The following MYO18A variants were observed in gnomAD, a reference collection of about 807,000 sequenced individuals.
The protein encoded by MYO18A is myosin XVIIIA.
A neutral mutation model predicts 235.8 loss-of-function variants in MYO18A; 78 were observed. The ratio of observed to expected loss-of-function variants is 0.33; its 90% confidence interval spans 0.28 to 0.40. The LOEUF (loss-of-function observed/expected upper bound fraction) is 0.40. MYO18A is among the 10% of genes least tolerant of loss of function. MYO18A has a pLI of 1.00. For missense variants in MYO18A, 2,215 were observed against 2,699.3 expected (o/e 0.82, Z 3.98); for synonymous variants, 977 against 1,077.8 (o/e 0.91, Z 1.83).
intron 21 of MYO18A, 43 bp from the exon 22 acceptor site, chr17:29,099,805 C>T (rs1438119279): frequency 5.0e-6 from 8 of 1,597,740 alleles, no homozygotes; most frequent in Admixed American, 1.7e-5. Context: ...ACTGGGCCAG[C>T]CCAGCAGAGG....
chr17:29,077,234 T>G (rs1039502470), intron 41 of MYO18A: 2 of 152,034 alleles, frequency 1.3e-5, no homozygotes, highest in Non-Finnish European at 2.9e-5. Flanking sequence ...CATCAGGGAG[T>G]CAACAGCAGG....
At chr17:29,085,721 G>C (rs376454602) in intron 39 of MYO18A, 73 bp from the exon 40 acceptor site, 55 of 1,506,908 alleles carry the variant, frequency 3.6e-5, no homozygotes, top group Non-Finnish European at 4.9e-5. Context: ...ACCCAAGGTG[G>C]ACCCCTTAGC....
intron 2 of MYO18A, among the ~76,000 whole-genome samples, chr17:29,123,097 G>A (rs1490121483): frequency 6.6e-6 from 1 of 152,222 alleles, no homozygotes; most frequent in Non-Finnish European, 1.5e-5. Flanking sequence ...GAGGCCTCAG[G>A]AGGTCACCAA....
rs1598320712 is a variant in MYO18A at position 29,111,132 on chromosome 17, G to A, written c.2900+292C>T. On this transcript the variant is annotated intron_variant, in intron 17 of 41. Coordinates refer to ENST00000527372, the MANE Select transcript of MYO18A (RefSeq NM_078471.4). This position sits in a 1 kb window ranked among gnomAD's most constrained non-coding sequence, Gnocchi z 5.1. ...CTAACCATCTTCTGAAGAGTAGAAC[G>A]GATGACAGGGCCCGTGGGGCTGGGG... 6.6e-6 allele frequency among the ~76,000 whole-genome samples: 1 copy of A among 152,174 alleles called. No homozygotes were observed. The highest frequency in any genetic ancestry group is 1.5e-5 in the Non-Finnish European group (1 of 68,036).
intron 2 of MYO18A, among the ~76,000 whole-genome samples, chr17:29,145,875 GGAGC>G (rs2067837083): frequency 6.6e-6 from 1 of 152,200 alleles, no homozygotes; most frequent in Admixed American, 6.5e-5. Flanking sequence ...CAGACAGCTT[GGAGC>G]TAGGCCAATG....
rs2065898032 is a variant in MYO18A at position 29,072,632 on chromosome 17, A to G, written c.*2138T>C. 2 of 151,938 alleles carry G rather than the reference A, an allele frequency of 1.3e-5. No individual in the cohort carries two copies. Among genetic ancestry groups the G allele is most frequent in the South Asian group, 2.1e-4 (1 of 4,808 alleles). 9.4% of individuals were successfully genotyped at this position (151,938 alleles called of 1,614,324 possible). A position where few individuals can be genotyped will look rare whatever the true frequency, so the allele number is the denominator to read the frequency against. On this transcript the variant is annotated 3_prime_UTR_variant, in exon 42 of 42. Transcript: ENST00000527372. ...TCTGTTCGAGACAGATCCACTTCAC[A>G]CTCTGTCCCATTCATTTTGGGGGAG...
intron 2 of MYO18A, among the ~76,000 whole-genome samples, chr17:29,157,162 G>A (rs1028576461): frequency 2.0e-5 from 3 of 152,198 alleles, no homozygotes; most frequent in East Asian, 3.8e-4. Context: ...TCCACTCCTG[G>A]GGACCACATC....
chr17:29,154,533 G>A (rs2068026320), intron 2 of MYO18A, among the ~76,000 whole-genome samples: 1 of 152,208 alleles, frequency 6.6e-6, no homozygotes, highest in Non-Finnish European at 1.5e-5. Flanking sequence ...CCGATTCCAG[G>A]AAGACAGGCC....
intron 2 of MYO18A, among the ~76,000 whole-genome samples, chr17:29,163,453 G>A (rs920943867): frequency 9.9e-5 from 15 of 152,218 alleles, no homozygotes; most frequent in African/African-American, 3.6e-4. Flanking sequence ...AGATGCATGG[G>A]GATGGGGTTT....
intron 2 of MYO18A, among the ~76,000 whole-genome samples, chr17:29,132,476 T>G (rs551760281): frequency 6.6e-6 from 1 of 152,252 alleles, no homozygotes; most frequent in South Asian, 2.1e-4. Flanking sequence ...CCCTACCTCC[T>G]CCTCAGCGTG....
Position 29,130,416 on chromosome 17 carries a change from T to C in MYO18A, c.1000-8163A>G, listed in dbSNP as rs561795023. Among the ~76,000 whole-genome samples, 9 of 150,166 alleles carry C rather than the reference T, an allele frequency of 6.0e-5. No homozygotes were observed. The East Asian group carries it at 1.8e-3, about 29-fold the overall frequency. ...ATGGCACTCTTCCAAGCACTTTACATGTAGTTTTTGCAAAAAAAATAAAAT... is the reference window on the plus strand; with the variant it reads ...ATGGCACTCTTCCAAGCACTTTACACGTAGTTTTTGCAAAAAAAATAAAAT... On this transcript the variant is annotated intron_variant, in intron 2 of 41. Coordinates refer to ENST00000527372, the MANE Select transcript of MYO18A (RefSeq NM_078471.4).
At chr17:29,113,197 G>A (rs2066975913) in intron 15 of MYO18A, among the ~76,000 whole-genome samples, 1 of 152,166 alleles carries the variant, frequency 6.6e-6, no homozygotes, top group South Asian at 2.1e-4. Flanking sequence ...CTGTCCCCGG[G>A]GGGATACTCA....
At position 29,109,927 on chromosome 17, in the gene MYO18A, C is replaced by A. The variant is rs761428118; in HGVS notation, c.3262G>T (p.Asp1088Tyr). Residue 1088 changes from aspartate to tyrosine, a missense_variant, in exon 19 of 42, where the codon GAC (aspartate) becomes TAC (tyrosine). Asp to Tyr is a radical substitution (Grantham distance 160). Coordinates refer to ENST00000527372, the MANE Select transcript of MYO18A (RefSeq NM_078471.4). This position sits in a 1 kb window ranked among gnomAD's most constrained non-coding sequence, Gnocchi z 4.1. ...DHCEAGLLQLDVPLLRTQLRG... is the reference protein window; with the variant it reads ...DHCEAGLLQLYVPLLRTQLRG... ...AGCTGGGTGCGGAGCAGGGGCACGT[C>A]GAGCTGCAGGAGCCCAGCCTCGCAG... The A allele has an allele frequency of 1.3e-6, 2 of 1,597,808 alleles. No homozygotes were observed. The highest frequency in any genetic ancestry group is 1.1e-5 in the South Asian group (1 of 88,528).
Position 29,119,405 on chromosome 17 carries a change from G to C in MYO18A, c.1759C>G (p.Arg587Gly), listed in dbSNP as rs200838366. The change falls in exon 8 of 42, where the codon CGG becomes GGG. Residue 587 changes from arginine to glycine, a missense_variant. Coordinates refer to ENST00000527372, the MANE Select transcript of MYO18A (RefSeq NM_078471.4). ...TMLLEKLRVA[R>G]RPASEATFNV... ...AATGTGGCTTCACTGGCTGGGCGCCGAGCCACACGCAGCTTCTCCAGAAGC... is the reference window on the plus strand; with the variant it reads ...AATGTGGCTTCACTGGCTGGGCGCCCAGCCACACGCAGCTTCTCCAGAAGC... 1.2e-6 allele frequency: 2 copies of C among 1,611,366 alleles called. No individual in the cohort carries two copies. The highest frequency in any genetic ancestry group is 1.7e-6 in the Non-Finnish European group (2 of 1,179,202).
intron 2 of MYO18A, among the ~76,000 whole-genome samples, chr17:29,130,949 T>G (rs1397682715): frequency 6.6e-6 from 1 of 152,160 alleles, no homozygotes; most frequent in Non-Finnish European, 1.5e-5. Flanking sequence ...CTTTGCCTTG[T>G]GCCACCCAGA....
rs1268115173 is a variant in MYO18A, at chr17:29,115,058, A to G, written c.2360T>C (p.Ile787Thr). 3 of 1,613,942 alleles carry G rather than the reference A, an allele frequency of 1.9e-6. No homozygotes were observed. The highest frequency in any genetic ancestry group is 2.5e-6 in the Non-Finnish European group (3 of 1,179,844). Residue 787 changes from isoleucine (I) to threonine (T), a missense_variant, in exon 14 of 42, where the codon ATT becomes ACT. By Grantham distance (89) the Ile-to-Thr change is moderately conservative (BLOSUM62 -1). Transcript: ENST00000527372. ...SSQHSLCSMMIVDTPGFQNPE... is the reference protein window; with the variant it reads ...SSQHSLCSMMTVDTPGFQNPE... ...GTTCTGGAAGCCCGGGGTGTCGACA[A>G]TCATCATGGAGCAGAGTGAGTGCTG...
At chr17:29,093,890 G>T in intron 31 of MYO18A, 90 bp downstream of exon 31, 1 of 886,280 alleles carries the variant, frequency 1.1e-6, no homozygotes. Flanking sequence ...AGACGATGTG[G>T]CTGAGGTAGG....
intron 2 of MYO18A, among the ~76,000 whole-genome samples, 180 bp downstream of exon 2, chr17:29,165,762 G>A (rs1481996029): frequency 1.3e-5 from 2 of 152,192 alleles, no homozygotes; most frequent in Non-Finnish European, 2.9e-5. Context: ...AGGATTATGA[G>A]CATGGGGCAC....
intron 34 of MYO18A, 84 bp from the exon 35 acceptor site, chr17:29,091,010 T>G: frequency 9.0e-7 from 1 of 1,106,766 alleles, no homozygotes; most frequent in Non-Finnish European, 1.3e-6. Flanking sequence ...AGGGGCATTG[T>G]AGAGAAGATG....
Sources: allele counts gnomAD v4.1 joint callset (sites outside exome capture counted in the v4.1 genomes callset), GRCh38; gene constraint gnomAD v4.1.1; non-coding constraint Gnocchi (gnomAD v3.1); transcripts MANE v1.5; gene names NCBI Gene and HGNC (gene_info 2026-07-23, HGNC 2026-07-21).